The following DNAH12 variants were observed in gnomAD, a reference collection of about 807,000 sequenced individuals.
The protein encoded by DNAH12 is dynein axonemal heavy chain 12, also known as axonemal beta dynein heavy chain 12.
Under a neutral mutation model 371.5 loss-of-function variants are expected in DNAH12, and 285 were observed. The observed-to-expected ratio is 0.77, with a 90% CI of 0.70 to 0.85. The LOEUF (loss-of-function observed/expected upper bound fraction) is 0.85, where lower values mean the gene tolerates loss of function less well. Ranked by LOEUF, DNAH12 falls within the 40% of genes least tolerant of loss-of-function variation. DNAH12 has a pLI of 0.00. For synonymous variants in DNAH12, 1,200 were observed against 1,213.0 expected, an observed-to-expected ratio of 0.99 and a Z score of 0.22; for missense variants, 3,611 against 3,689.4, an observed-to-expected ratio of 0.98 and a Z score of 0.55.
At chr3:57,534,076 T>C (rs2068942815) in intron 2 of DNAH12, among the ~76,000 whole-genome samples, 1 of 152,214 alleles carries the variant, frequency 6.6e-6, no homozygotes, top group Admixed American at 6.5e-5. Context: ...GGGGCTGGCC[T>C]ATATGCTCCC....
intron 65 of DNAH12, among the ~76,000 whole-genome samples, chr3:57,321,572 T>C (rs1181017004): frequency 1.4e-4 from 21 of 152,240 alleles, no homozygotes; most frequent in Non-Finnish European, 1.5e-5. Context: ...TAACCAGATA[T>C]GCTCAGCCCA....
At chr3:57,509,059 T>C in intron 6 of DNAH12, 81 bp downstream of exon 6, 1 of 1,215,206 alleles carries the variant, frequency 8.2e-7, no homozygotes, top group Non-Finnish European at 1.2e-6. Flanking sequence ...ATCACAATTG[T>C]ATACTTGAAG....
At chr3:57,439,398 C>T (rs2065236187) in intron 29 of DNAH12, among the ~76,000 whole-genome samples, 1 of 152,156 alleles carries the variant, frequency 6.6e-6, no homozygotes, top group African/African-American at 2.4e-5. Flanking sequence ...TAAAGCTGCA[C>T]ACCTACAGCC....
intron 11 of DNAH12, among the ~76,000 whole-genome samples, chr3:57,493,092 T>C (rs1206060216): frequency 7.2e-5 from 11 of 152,172 alleles, no homozygotes; most frequent in Admixed American, 5.9e-4. Context: ...ACACTACAGG[T>C]TATACCCAGA....
In DNAH12 at chr3:57,504,132, G is replaced by A; in HGVS notation, c.970C>T (p.Pro324Ser). 6.2e-7 allele frequency: 1 copy of A among 1,613,392 alleles called. No individual in the cohort carries two copies. Among genetic ancestry groups the A allele is most frequent in the South Asian group, 1.1e-5 (1 of 91,010 alleles). The change falls in exon 9 of 74, where the codon CCA becomes TCA. Residue 324 changes from proline to serine, a missense_variant. Pro to Ser is a moderately conservative substitution (Grantham distance 74). This residue lies in a region of DNAH12 where 1,314 missense variants were observed against 1,398.7 expected (regional missense o/e 0.94). Transcript: ENST00000495027. Reference sequence around the variant, plus strand: ...AATGTCAATTCTATCTTAAATATTGGCAGCCTTTGTTGATCTTTTGGGTCA... The same window carrying A: ...AATGTCAATTCTATCTTAAATATTGACAGCCTTTGTTGATCTTTTGGGTCA... Reference protein sequence around the residue: ...LFDPKDQQRLPIFKIELTFDD... With the variant: ...LFDPKDQQRLSIFKIELTFDD...
At position 57,410,391 on chromosome 3, in the gene DNAH12, A is replaced by G. The variant is rs576463828; in HGVS notation, c.6021-1856T>C. ...TTTGGAGCACCATGAATTGACCTAC[A>G]TAAGAAGAAAACCTTAACTGATTAA... On this transcript the variant is annotated intron_variant, in intron 39 of 73. Transcript: ENST00000495027. Among the ~76,000 whole-genome samples the G allele has an allele frequency of 1.5e-4, 23 of 152,288 alleles. 1 individual carries two copies. The South Asian group carries it at 4.1e-3, about 27-fold the overall frequency.
chr3:57,506,484 C>A (rs1227377483), intron 8 of DNAH12, among the ~76,000 whole-genome samples: 1 of 151,902 alleles, frequency 6.6e-6, no homozygotes, highest in Non-Finnish European at 1.5e-5. Context: ...CTCTGTTGCC[C>A]AGGCTGGAAT....
At chr3:57,462,541 C>T (rs776463026) in intron 18 of DNAH12, 149 bp downstream of exon 18, 28 of 888,890 alleles carry the variant, frequency 3.1e-5, no homozygotes, top group South Asian at 2.4e-4. Flanking sequence ...TGTGAGCTAC[C>T]GCACCCAGCC....
At chr3:57,328,651 A>G (rs1229509275) in intron 62 of DNAH12, among the ~76,000 whole-genome samples, 1 of 147,016 alleles carries the variant, frequency 6.8e-6, no homozygotes, top group Non-Finnish European at 1.5e-5. Flanking sequence ...AAACTGGCAC[A>G]AGACAGGGAT....
intron 58 of DNAH12, among the ~76,000 whole-genome samples, chr3:57,361,378 C>A (rs899124824): frequency 6.1e-5 from 9 of 148,566 alleles, no homozygotes; most frequent in Non-Finnish European, 1.3e-4. Context: ...TATATACACA[C>A]ACTTATATAT....
chr3:57,463,193 G>T (rs888582863), intron 17 of DNAH12, among the ~76,000 whole-genome samples: 1 of 151,860 alleles, frequency 6.6e-6, no homozygotes, highest in Non-Finnish European at 1.5e-5. Context: ...AGGATTGCTT[G>T]AGCCCAGGAA....
At chr3:57,316,060 T>A (rs1208347452) in intron 65 of DNAH12, among the ~76,000 whole-genome samples, 2 of 152,114 alleles carry the variant, frequency 1.3e-5, no homozygotes, top group Non-Finnish European at 2.9e-5. Context: ...TATCTAGATA[T>A]TCTAAAAACT....
chr3:57,354,394 C>G (rs998704111), intron 59 of DNAH12, among the ~76,000 whole-genome samples: 3 of 151,934 alleles, frequency 2.0e-5, no homozygotes, highest in Admixed American at 6.6e-5. Flanking sequence ...CTATTGGGTA[C>G]CATGCTTATT....
chr3:57,464,492 C>A (rs546344554), intron 17 of DNAH12, among the ~76,000 whole-genome samples: 1 of 152,238 alleles, frequency 6.6e-6, no homozygotes, highest in East Asian at 1.9e-4. Context: ...GAAGCAGTGA[C>A]CTAGCGGTAA....
intron 14 of DNAH12, among the ~76,000 whole-genome samples, chr3:57,472,133 T>C (rs2066385606): frequency 6.6e-6 from 1 of 152,210 alleles, no homozygotes; most frequent in Non-Finnish European, 1.5e-5. Flanking sequence ...ATCTGAAATA[T>C]ATTCAGTCTG....
intron 58 of DNAH12, among the ~76,000 whole-genome samples, chr3:57,362,125 G>A (rs1176355498): frequency 1.3e-5 from 2 of 151,040 alleles, no homozygotes; most frequent in East Asian, 3.9e-4. Context: ...TTGGTTTTCT[G>A]TCCTTGCAAT....
chr3:57,309,317 C>A, intron 68 of DNAH12, 63 bp from the exon 69 acceptor site: 1 of 1,300,236 alleles, frequency 7.7e-7, no homozygotes, highest in Non-Finnish European at 1.1e-6. Flanking sequence ...CTTAATTCAG[C>A]CATTATATAA....
intron 32 of DNAH12, among the ~76,000 whole-genome samples, chr3:57,432,263 G>A (rs559446000): frequency 5.7e-4 from 84 of 148,016 alleles, no homozygotes; most frequent in African/African-American, 2.1e-3. Context: ...TCTGCCTCCT[G>A]GGTTCAAGTG....
In DNAH12 at chr3:57,462,804, T is replaced by G. The variant is rs1220931316; in HGVS notation, c.2421A>C (p.Glu807Asp). The G allele has an allele frequency of 1.3e-6, 2 of 1,551,538 alleles. No individual in the cohort carries two copies. The highest frequency in any genetic ancestry group is 2.4e-5 in the East Asian group (1 of 40,902). Residue 807 changes from glutamate to aspartate, a missense_variant, in exon 18 of 74, where the codon GAA becomes GAC. This residue lies in a region of DNAH12 where 1,314 missense variants were observed against 1,398.7 expected (regional missense o/e 0.94). Transcript: ENST00000495027. ...CTGGAGTCAAGTCATAGCCTACAATTTCTGATATCTGTTTCCAGTGACGAG... is the reference window on the plus strand; with the variant it reads ...CTGGAGTCAAGTCATAGCCTACAATGTCTGATATCTGTTTCCAGTGACGAG... ...MRARHWKQIS[E>D]IVGYDLTPDS...
Sources: gnomAD v4.1 joint callset for allele counts (sites outside exome capture counted in the v4.1 genomes callset) on GRCh38, gnomAD v4.1.1 for gene constraint, gnomAD v4.1.1 regional missense constraint, MANE v1.5 for transcripts, NCBI Gene and HGNC (gene_info 2026-07-23, HGNC 2026-07-21) for gene names.